The following NEGR1 variants were observed in gnomAD, a reference collection of about 807,000 sequenced individuals.
NEGR1 encodes IgLON family member 4.
Under a neutral mutation model 40.9 loss-of-function variants are expected in NEGR1, and 10 were observed. The ratio of observed to expected loss-of-function variants is 0.24; its 90% CI spans 0.15 to 0.42. The LOEUF is 0.42. NEGR1 is among the 10% of genes least tolerant of loss of function. The pLI, the probability that NEGR1 is intolerant of heterozygous loss-of-function variation, is 1.00. For missense variants in NEGR1, 352 were observed against 438.9 expected (o/e 0.80, Z 1.77); for synonymous variants, 185 against 166.8 (o/e 1.11, Z -0.84).
chr1:72,234,011 T>A (rs1399497226), intron 1 of NEGR1, among the ~76,000 whole-genome samples: 1 of 152,142 alleles, frequency 6.6e-6, no homozygotes, highest in Non-Finnish European at 1.5e-5. Context: ...AGTTCAGGGG[T>A]ACATGTGCAG....
chr1:71,659,398 C>G (rs1275393104), intron 4 of NEGR1, among the ~76,000 whole-genome samples: 1 of 152,104 alleles, frequency 6.6e-6, no homozygotes, highest in East Asian at 1.9e-4. Flanking sequence ...CTAGGCAATA[C>G]CATACTGGAC....
intron 6 of NEGR1, among the ~76,000 whole-genome samples, chr1:71,549,452 GA>G (rs1185899100): frequency 6.6e-6 from 1 of 151,716 alleles, no homozygotes; most frequent in Non-Finnish European, 1.5e-5. Flanking sequence ...TCATTGGTCA[GA>G]AAAAGTCACA....
intron 2 of NEGR1, among the ~76,000 whole-genome samples, chr1:71,927,576 TTCTAAATTGTTTAGATA>T (rs1645786519): frequency 6.6e-6 from 1 of 151,944 alleles, no homozygotes; most frequent in Non-Finnish European, 1.5e-5. Context: ...GGCATAACTA[TTCTAAATTGTTTAGATA>T]TCAGACCATT....
intron 1 of NEGR1, among the ~76,000 whole-genome samples, chr1:72,061,916 G>C (rs1420392167): frequency 6.6e-6 from 1 of 151,520 alleles, no homozygotes; most frequent in East Asian, 1.9e-4. Context: ...TGGGCTCCCT[G>C]CCTGCAGTCT....
intron 6 of NEGR1, among the ~76,000 whole-genome samples, chr1:71,500,443 T>C (rs1321098915): frequency 6.6e-6 from 1 of 152,068 alleles, no homozygotes; most frequent in African/African-American, 2.4e-5. Context: ...TGGATAAGTG[T>C]AATATCTTGA....
At chr1:72,066,223 C>T (rs895612534) in intron 1 of NEGR1, among the ~76,000 whole-genome samples, 2 of 152,130 alleles carry the variant, frequency 1.3e-5, no homozygotes, top group Non-Finnish European at 2.9e-5. Context: ...TTCCCATGAT[C>T]TCTCAGCCGA....
Position 71,454,984 on chromosome 1 carries a change from CCACGGCGAT to C in NEGR1, c.941-47423_941-47415del, listed in dbSNP as rs1646662159. The stretch of plus-strand genomic sequence containing the variant: ...CTCCACAGGCTTGGCCAGGCAGATC[CCACGGCGAT>C]CACTTTAGGGATGGGCACAGATGTA... On this transcript the variant is annotated intron_variant, in intron 6 of 6. Coordinates refer to ENST00000357731, the MANE Select transcript of NEGR1 (RefSeq NM_173808.3). Among the ~76,000 whole-genome samples the C allele has an allele frequency of 3.3e-5, 5 of 152,160 alleles. No individual in the cohort carries two copies. The South Asian group carries it at 1.0e-3, about 32-fold the overall frequency.
chr1:71,621,451 G>A (rs1228254226), intron 4 of NEGR1, among the ~76,000 whole-genome samples: 1 of 151,724 alleles, frequency 6.6e-6, no homozygotes, highest in Non-Finnish European at 1.5e-5. Flanking sequence ...ACATATTGAT[G>A]AGGTCATTTT....
At chr1:71,708,194 G>C (rs769005441) in intron 3 of NEGR1, among the ~76,000 whole-genome samples, 5 of 151,884 alleles carry the variant, frequency 3.3e-5, no homozygotes, top group Admixed American at 2.0e-4. Context: ...GAGAAATAGA[G>C]ATATGTGCCC....
chr1:71,896,217 T>A (rs1254552048), intron 2 of NEGR1, among the ~76,000 whole-genome samples: 5 of 152,160 alleles, frequency 3.3e-5, no homozygotes, highest in Admixed American at 6.5e-5. Context: ...TTTGTGTTTT[T>A]AGTAGAGATG....
At chr1:71,654,944 G>A (rs1195629171) in intron 4 of NEGR1, among the ~76,000 whole-genome samples, 1 of 152,104 alleles carries the variant, frequency 6.6e-6, no homozygotes, top group South Asian at 2.1e-4. Flanking sequence ...TATTGTGAGA[G>A]TCACTGGTGA....
intron 3 of NEGR1, among the ~76,000 whole-genome samples, chr1:71,716,510 AT>A (rs780099842): frequency 3.3e-5 from 5 of 152,164 alleles, no homozygotes; most frequent in Non-Finnish European, 5.9e-5. Context: ...TTAAAAATTT[AT>A]TGAAAAAATA....
chr1:71,533,719 T>G (rs1255716299), intron 6 of NEGR1, among the ~76,000 whole-genome samples: 1 of 151,702 alleles, frequency 6.6e-6, no homozygotes, highest in East Asian at 2.0e-4. Context: ...AGATTTCTAT[T>G]TTTAAACTTA....
chr1:71,548,588 T>A (rs1647975668), intron 6 of NEGR1, among the ~76,000 whole-genome samples: 1 of 151,716 alleles, frequency 6.6e-6, no homozygotes, highest in Non-Finnish European at 1.5e-5. Flanking sequence ...GTTTGAATCA[T>A]GTGTCAAGAT....
intron 4 of NEGR1, among the ~76,000 whole-genome samples, chr1:71,688,720 A>G (rs903788593): frequency 6.6e-6 from 1 of 151,962 alleles, no homozygotes; most frequent in Non-Finnish European, 1.5e-5. Flanking sequence ...GCCTCCCAAG[A>G]GTTTCCCTTT....
intron 1 of NEGR1, among the ~76,000 whole-genome samples, chr1:71,962,171 C>T (rs6678313): frequency 6.6e-6 from 1 of 151,724 alleles, no homozygotes; most frequent in Non-Finnish European, 1.5e-5. Context: ...ATTACACCCT[C>T]TTTCCTGAAG....
At chr1:72,115,265 A>C (rs1014770477) in intron 1 of NEGR1, among the ~76,000 whole-genome samples, 16 of 151,728 alleles carry the variant, frequency 1.1e-4, no homozygotes, top group African/African-American at 3.9e-4. Flanking sequence ...TGAGAAACCT[A>C]TTTCTCCAGA....
At chr1:71,458,438 T>G (rs1334755136) in intron 6 of NEGR1, among the ~76,000 whole-genome samples, 2 of 152,258 alleles carry the variant, frequency 1.3e-5, no homozygotes, top group African/African-American at 4.8e-5. Flanking sequence ...CAGTAACCTA[T>G]GTAGTGCCCA....
At chr1:71,666,759 A>G (rs1033435479) in intron 4 of NEGR1, among the ~76,000 whole-genome samples, 1 of 152,188 alleles carries the variant, frequency 6.6e-6, no homozygotes, top group Non-Finnish European at 1.5e-5. Context: ...TTCTGCAGAC[A>G]GGGCTGAGTA....
Sources: gnomAD v4.1 joint callset for allele counts (sites outside exome capture counted in the v4.1 genomes callset) on GRCh38, gnomAD v4.1.1 for gene constraint, MANE v1.5 for transcripts, NCBI Gene and HGNC (gene_info 2026-07-23, HGNC 2026-07-21) for gene names.